DHODH: variants seen among roughly 807,000 people sequenced by gnomAD.
DHODH encodes the protein dihydroorotate dehydrogenase (quinone).
In DHODH, 30 loss-of-function variants were observed where a neutral mutation model predicts 39.7. The ratio of observed to expected loss-of-function variants is 0.76; its 90% CI spans 0.57 to 1.02. DHODH has a LOEUF of 1.02. DHODH is among the 50% of genes least tolerant of loss of function. DHODH has a pLI of 0.00. For synonymous variants in DHODH, 222 were observed against 213.8 expected (o/e 1.04, Z -0.34); for missense variants, 531 against 520.8 (o/e 1.02, Z -0.19).
chr16:72,015,916 G>A, intron 3 of DHODH: 12 of 973,430 alleles, frequency 1.2e-5, no homozygotes, highest in Non-Finnish European at 1.5e-5. Flanking sequence ...TCAGATATGT[G>A]TGCCAGTGTG....
At chr16:72,019,622 TTAAG>T (rs1413008991) in intron 4 of DHODH, among the ~76,000 whole-genome samples, 2 of 152,204 alleles carry the variant, frequency 1.3e-5, no homozygotes, top group Non-Finnish European at 2.9e-5. Flanking sequence ...CTGTGGATTT[TTAAG>T]TAAGCTGACC....
intron 8 of DHODH, 55 bp downstream of exon 8, chr16:72,023,688 T>C: frequency 6.2e-7 from 1 of 1,605,220 alleles, no homozygotes; most frequent in Non-Finnish European, 8.5e-7. Flanking sequence ...TTCATTTAGA[T>C]CACTCAAGTC....
At position 72,023,572 on chromosome 16, in the gene DHODH, C is replaced by T. The variant is rs781356697; in HGVS notation, c.1072C>T (p.Leu358Phe). The change falls in exon 8 of 9, where the codon CTC becomes TTC. Residue 358 changes from leucine (L) to phenylalanine (F), a missense_variant. Transcript: ENST00000219240. ...GASLVQLYTA[L>F]TFWGPPVVGK... ...CTCCCTGGTGCAGCTGTACACGGCC[C>T]TCACCTTCTGGGGGCCACCCGTTGT... is the stretch of plus-strand genomic sequence containing the variant. 8 of 1,614,032 alleles carry T rather than the reference C, an allele frequency of 5.0e-6. No homozygotes were observed. Among genetic ancestry groups the T allele is most frequent in the African/African-American group, 2.7e-5 (2 of 74,920 alleles).
At chr16:72,021,454 C>T in intron 5 of DHODH, 143 bp downstream of exon 5, 1 of 807,050 alleles carries the variant, frequency 1.2e-6, no homozygotes. Context: ...CTATACCTTC[C>T]CAGAGTCCCC....
chr16:72,020,411 CTGCTCCTTAGGCTGGAG>C (rs1457842921), intron 4 of DHODH: 4 of 131,434 alleles, frequency 3.0e-5, no homozygotes, highest in African/African-American at 9.0e-5. Context: ...GAGTCTTGCT[CTGCTCCTTAGGCTGGAG>C]TGCAGTGGCG....
Position 72,021,111 on chromosome 16 carries a change from G to A in DHODH, c.518-13G>A, listed in dbSNP as rs567514273. 1.1e-5 allele frequency: 18 copies of A among 1,598,190 alleles called. No homozygotes were observed. In the Admixed American group the frequency reaches 1.4e-4, roughly 12 times the overall value. On this transcript the variant is annotated splice_polypyrimidine_tract_variant and intron_variant, in intron 4 of 8. Coordinates refer to ENST00000219240, the MANE Select transcript of DHODH (RefSeq NM_001361.5). ...GGTGTGCGGGGTGCAGGCCTGACCAGCGATGTTTGCAGATGGACTGCCTCT... is the reference window on the plus strand; with the variant it reads ...GGTGTGCGGGGTGCAGGCCTGACCAACGATGTTTGCAGATGGACTGCCTCT...
intron 3 of DHODH, chr16:72,016,367 A>T (rs1475741249): frequency 6.3e-6 from 1 of 157,574 alleles, no homozygotes; most frequent in African/African-American, 2.4e-5. Flanking sequence ...GGGGCTGGGG[A>T]TACAGGGATG....
chr16:72,026,070 A>T lies in DHODH; in HGVS notation c.*1871A>T, dbSNP rs1477078781. The T allele has an allele frequency of 6.6e-6, 1 of 152,258 alleles. No homozygotes were observed. The highest frequency in any genetic ancestry group is 1.5e-5 in the Non-Finnish European group (1 of 68,070). 9.4% of individuals were successfully genotyped at this position (152,258 alleles called of 1,614,324 possible). ...ATTCGTTCCTTACTCCAGGAAGAGC[A>T]GTGCACTGAAGGAGAAATGGGAATG... On this transcript the variant is annotated 3_prime_UTR_variant, in exon 9 of 9. Coordinates refer to ENST00000219240, the MANE Select transcript of DHODH (RefSeq NM_001361.5).
intron 4 of DHODH, 50 bp downstream of exon 4, chr16:72,017,156 G>A (rs780720687): frequency 2.6e-6 from 4 of 1,565,828 alleles, no homozygotes; most frequent in South Asian, 1.1e-5. Flanking sequence ...AGGAGGAAAC[G>A]TGGGAGAAAT....
chr16:72,025,741 TC>T lies in DHODH; in HGVS notation c.*1544del, dbSNP rs2041270946. On this transcript the variant is annotated 3_prime_UTR_variant, in exon 9 of 9. Coordinates refer to ENST00000219240, the MANE Select transcript of DHODH (RefSeq NM_001361.5). ...CAGCAACAGAGGGGACATCCCCAGCTCCTCTGGCTCTGCCTGTTCAAAGCTA... is the reference window on the plus strand; with the variant it reads ...CAGCAACAGAGGGGACATCCCCAGCTCTCTGGCTCTGCCTGTTCAAAGCTA... 6.6e-6 allele frequency: 1 copy of T among 152,326 alleles called. No individual in the cohort carries two copies. Among genetic ancestry groups the T allele is most frequent in the Non-Finnish European group, 1.5e-5 (1 of 68,148 alleles). 9.4% of individuals were successfully genotyped at this position (152,326 alleles called of 1,614,324 possible). A position where few individuals can be genotyped will look rare whatever the true frequency, so the allele number is the denominator to read the frequency against.
intron 6 of DHODH, among the ~76,000 whole-genome samples, 174 bp from the exon 7 acceptor site, chr16:72,022,991 G>C (rs1219022725): frequency 1.3e-5 from 2 of 152,196 alleles, no homozygotes; most frequent in South Asian, 2.1e-4. Flanking sequence ...GTCATGTTAT[G>C]GCTCATTCTA....
At chr16:72,020,160 C>G (rs2041187968) in intron 4 of DHODH, among the ~76,000 whole-genome samples, 1 of 151,464 alleles carries the variant, frequency 6.6e-6, no homozygotes, top group Admixed American at 6.6e-5. Context: ...CGTGTAATCC[C>G]AGCTACTCAG....
intron 5 of DHODH, among the ~76,000 whole-genome samples, chr16:72,021,719 A>C (rs536207716): frequency 6.6e-6 from 1 of 152,316 alleles, no homozygotes; most frequent in Non-Finnish European, 1.5e-5. Flanking sequence ...TACCAGCACT[A>C]TGGGAGGCCA....
At chr16:72,011,366 C>T (rs1179589692) in intron 1 of DHODH, among the ~76,000 whole-genome samples, 3 of 152,224 alleles carry the variant, frequency 2.0e-5, no homozygotes, top group Admixed American at 6.5e-5. Context: ...AGGCTGGGCA[C>T]GGTGGCTCAT....
At chr16:72,024,043 C>G (rs546031765) in intron 8 of DHODH, 102 bp from the exon 9 acceptor site, 1 of 1,226,672 alleles carries the variant, frequency 8.2e-7, no homozygotes, top group Non-Finnish European at 1.2e-6. Context: ...CCAGATGTGC[C>G]TGGGCCGGGA....
chr16:72,026,963 GT>G lies in DHODH; in HGVS notation c.*2765del. On this transcript the variant is annotated 3_prime_UTR_variant, in exon 9 of 9. Transcript: ENST00000219240. The stretch of plus-strand genomic sequence containing the variant: ...CCACTACCACACCCAGCTAATTTGT[GT>G]GTGTGTGTGTGTGTGTGTGTGTGTG... 1 of 15,044 alleles carries G rather than the reference GT, an allele frequency of 6.6e-5. No homozygotes were observed. The allele number at this position is 15,044 out of a possible 1,614,324, so 0.9% of individuals were successfully genotyped here.
Position 72,021,231 on chromosome 16 carries a change from G to C in DHODH, c.625G>C (p.Val209Leu), listed in dbSNP as rs1180938139. 13 of 1,612,878 alleles carry C rather than the reference G, an allele frequency of 8.1e-6. No homozygotes were observed. Among genetic ancestry groups the C allele is most frequent in the East Asian group, 2.2e-5 (1 of 44,830 alleles). ...RVLGPLADYL[V>L]VNVSSPNTAG... ...ACTGGGCCCCCTGGCCGACTACCTG[G>C]TGGTGAATGTGTCCAGCCCCAACAC... Residue 209 changes from valine to leucine, a missense_variant, in exon 5 of 9, where the codon GTG becomes CTG. Val to Leu is a conservative substitution (Grantham distance 32, BLOSUM62 1). Transcript: ENST00000219240.
At chr16:72,008,855 C>T in intron 1 of DHODH, 70 bp downstream of exon 1, 1 of 1,551,332 alleles carries the variant, frequency 6.4e-7, no homozygotes, top group Non-Finnish European at 8.7e-7. Flanking sequence ...GAGAGTCAGG[C>T]CGGGCGAGGC....
In DHODH at chr16:72,015,882, T is replaced by C. The variant is rs149884125; in HGVS notation, c.435-1142T>C. 3.0e-6 allele frequency: 3 copies of C among 984,896 alleles called. No individual in the cohort carries two copies. In the African/African-American group the frequency reaches 5.2e-5, roughly 17 times the overall value. The allele number at this position is 984,896 out of a possible 1,614,324, so 61.0% of individuals were successfully genotyped here. A position where few individuals can be genotyped will look rare whatever the true frequency, so the allele number is the denominator to read the frequency against. ...TGGTAAGTGTGTAGTAAACACTTAA[T>C]GAATGGGTGAAGTTATGAAGTCATC... is the stretch of plus-strand genomic sequence containing the variant. On this transcript the variant is annotated intron_variant, in intron 3 of 8. Coordinates refer to ENST00000219240, the MANE Select transcript of DHODH (RefSeq NM_001361.5).
Sources: allele counts gnomAD v4.1 joint callset (sites outside exome capture counted in the v4.1 genomes callset), GRCh38; gene constraint gnomAD v4.1.1; transcripts MANE v1.5; gene names NCBI Gene and HGNC (gene_info 2026-07-23, HGNC 2026-07-21).